VAT1L: variants seen among roughly 807,000 people sequenced by gnomAD.
VAT1L encodes the protein vesicle amine transport 1 like, also known as putative NADPH-dependent quinone oxidoreductase VAT1L.
Under a neutral mutation model 44.1 loss-of-function variants are expected in VAT1L, and 34 were observed. The ratio of observed to expected loss-of-function variants is 0.77; its 90% CI spans 0.59 to 1.03. The LOEUF (loss-of-function observed/expected upper bound fraction) is 1.03, where lower values mean the gene tolerates loss of function less well. VAT1L is among the 50% of genes least tolerant of loss of function. The pLI is 0.00. For missense variants in VAT1L, 615 were observed against 538.8 expected, an observed-to-expected ratio of 1.14 and a Z score of -1.40; for synonymous variants, 253 against 202.2, an observed-to-expected ratio of 1.25 and a Z score of -2.13.
chr16:77,893,207 G>C (rs2017286721), intron 7 of VAT1L, among the ~76,000 whole-genome samples: 1 of 152,172 alleles, frequency 6.6e-6, no homozygotes, highest in Non-Finnish European at 1.5e-5. Flanking sequence ...GGTGGCAGCT[G>C]GTCTGGCTGG....
intron 7 of VAT1L, among the ~76,000 whole-genome samples, chr16:77,914,571 A>G (rs1165893388): frequency 6.6e-6 from 1 of 152,272 alleles, no homozygotes; most frequent in African/African-American, 2.4e-5. Flanking sequence ...CACCACGTAT[A>G]TTACTGAAGC....
chr16:77,874,619 G>A (rs989448911), intron 4 of VAT1L, among the ~76,000 whole-genome samples: 2 of 151,908 alleles, frequency 1.3e-5, no homozygotes, highest in African/African-American at 4.8e-5. Context: ...CTTCCCCAGG[G>A]ATGCCTCTCT....
At chr16:77,799,316 G>A (rs4129810) in intron 1 of VAT1L, among the ~76,000 whole-genome samples, 22,931 of 139,194 alleles carry the variant, frequency 0.16, 1,921 homozygotes, top group Admixed American at 0.23. Context: ...TTTTCCCTCC[G>A]TCTTTCCCCT....
chr16:77,922,517 G>A (rs919555643), intron 7 of VAT1L, among the ~76,000 whole-genome samples: 13 of 152,266 alleles, frequency 8.5e-5, no homozygotes, highest in African/African-American at 2.6e-4. Flanking sequence ...GAAAAGACAG[G>A]CAGCTGTCAG....
chr16:77,872,716 C>T (rs1330244644), intron 4 of VAT1L, among the ~76,000 whole-genome samples: 1 of 152,164 alleles, frequency 6.6e-6, no homozygotes, highest in Non-Finnish European at 1.5e-5. Context: ...TTCCAATGCT[C>T]GTAAGTTGCT....
At chr16:77,810,583 T>C (rs1241413458) in intron 1 of VAT1L, among the ~76,000 whole-genome samples, 2 of 152,072 alleles carry the variant, frequency 1.3e-5, no homozygotes, top group Non-Finnish European at 2.9e-5. Flanking sequence ...AGTGGGAGGA[T>C]CACCTGAGCC....
intron 2 of VAT1L, among the ~76,000 whole-genome samples, chr16:77,821,494 T>C (rs751827176): frequency 6.6e-6 from 1 of 152,086 alleles, no homozygotes; most frequent in Non-Finnish European, 1.5e-5. Flanking sequence ...AGTTTCACCA[T>C]GTTGGCCAGG....
chr16:77,883,272 G>A (rs146081799), intron 6 of VAT1L, among the ~76,000 whole-genome samples: 11 of 152,202 alleles, frequency 7.2e-5, no homozygotes, highest in East Asian at 3.9e-4. Flanking sequence ...GAAACTGGAC[G>A]CTTGGATTTC....
In VAT1L at chr16:77,872,640, A is replaced by C. The variant is rs545596906; in HGVS notation, c.723-3730A>C. Among the ~76,000 whole-genome samples, 224 of 152,158 alleles carry C rather than the reference A, an allele frequency of 1.5e-3. 1 individual carries two copies. The highest frequency in any genetic ancestry group is 5.0e-3 in the African/African-American group (206 of 41,528). ...GCTGCTTCCCAGTCTTCCTCCCACC[A>C]TAAGGCCTTTGCACATCCTGTTCCC... On this transcript the variant is annotated intron_variant, in intron 4 of 8. Coordinates refer to ENST00000302536, the MANE Select transcript of VAT1L (RefSeq NM_020927.3).
At position 77,905,701 on chromosome 16, in the gene VAT1L, C is replaced by T. The variant is rs372223179; in HGVS notation, c.1077+20899C>T. On this transcript the variant is annotated intron_variant, in intron 7 of 8. Coordinates refer to ENST00000302536, the MANE Select transcript of VAT1L (RefSeq NM_020927.3). The stretch of plus-strand genomic sequence containing the variant: ...AGGTTTGTTGTGTTACAGCATCATA[C>T]GTTATTTGCTTTGCAAATATGACTC... Among the ~76,000 whole-genome samples the T allele has an allele frequency of 9.2e-5, 14 of 152,222 alleles. No homozygotes were observed. The East Asian group carries it at 1.2e-3, about 13-fold the overall frequency.
chr16:77,962,784 G>GA (rs1597123354), intron 7 of VAT1L, among the ~76,000 whole-genome samples: 2 of 151,778 alleles, frequency 1.3e-5, no homozygotes, highest in South Asian at 2.1e-4. Context: ...AGGAAAGAAA[G>GA]AGAAAAGAAA....
At chr16:77,973,295 C>A (rs2018299983) in intron 8 of VAT1L, among the ~76,000 whole-genome samples, 1 of 152,050 alleles carries the variant, frequency 6.6e-6, no homozygotes, top group Non-Finnish European at 1.5e-5. Context: ...TCCAGGTCAT[C>A]TTTTTTTGAG....
chr16:77,792,709 G>T (rs1217429705), intron 1 of VAT1L, among the ~76,000 whole-genome samples: 1 of 152,176 alleles, frequency 6.6e-6, no homozygotes, highest in African/African-American at 2.4e-5. Context: ...ATGGGCACCT[G>T]CCCATAGACA....
At position 77,788,934 on chromosome 16, in the gene VAT1L, T is replaced by C. The variant is rs747607594; in HGVS notation, c.233+19T>C. On this transcript the variant is annotated intron_variant, in intron 1 of 8. Transcript: ENST00000302536. ...AAGCCTGGTCCAGTATCCGCGCCTT[T>C]CTCGCTTTCTCTCTTTTTGCGCGCT... 24 of 1,451,402 alleles carry C rather than the reference T, an allele frequency of 1.7e-5. 1 individual carries two copies. In the South Asian group the frequency reaches 3.4e-4, roughly 21 times the overall value. The allele number at this position is 1,451,402 out of a possible 1,614,324, so 89.9% of individuals were successfully genotyped here. A position where few individuals can be genotyped will look rare whatever the true frequency, so the allele number is the denominator to read the frequency against.
At chr16:77,831,298 G>T (rs1293055483) in intron 3 of VAT1L, among the ~76,000 whole-genome samples, 5 of 152,142 alleles carry the variant, frequency 3.3e-5, no homozygotes, top group Non-Finnish European at 7.3e-5. Context: ...GTCTATAAAT[G>T]GTAAGAAGAG....
intron 1 of VAT1L, among the ~76,000 whole-genome samples, chr16:77,793,547 G>C (rs1298640762): frequency 6.6e-6 from 1 of 152,182 alleles, no homozygotes; most frequent in Non-Finnish European, 1.5e-5. Context: ...TTTTAGGCTG[G>C]CAGAGGGTCT....
intron 7 of VAT1L, among the ~76,000 whole-genome samples, chr16:77,906,398 C>G (rs2017437092): frequency 6.6e-6 from 1 of 152,186 alleles, no homozygotes; most frequent in Non-Finnish European, 1.5e-5. Flanking sequence ...TACCATTTTA[C>G]ACTGTGACTT....
At chr16:77,912,915 T>G (rs1328935748) in intron 7 of VAT1L, among the ~76,000 whole-genome samples, 1 of 152,076 alleles carries the variant, frequency 6.6e-6, no homozygotes, top group African/African-American at 2.4e-5. Context: ...AGTTATGGTT[T>G]TTCTTCTTCT....
chr16:77,949,330 C>T (rs1468503386), intron 7 of VAT1L, among the ~76,000 whole-genome samples: 1 of 152,126 alleles, frequency 6.6e-6, no homozygotes, highest in East Asian at 1.9e-4. Context: ...GAGGCAATGG[C>T]AGACAATGAG....
Sources: allele counts gnomAD v4.1 joint callset (sites outside exome capture counted in the v4.1 genomes callset), GRCh38; gene constraint gnomAD v4.1.1; transcripts MANE v1.5; gene names NCBI Gene and HGNC (gene_info 2026-07-23, HGNC 2026-07-21).